AGBL4: variants seen among roughly 807,000 people sequenced by gnomAD.
AGBL4 encodes the protein cytosolic carboxypeptidase 6.
Under a neutral mutation model 66.4 loss-of-function variants are expected in AGBL4, and 58 were observed. The ratio of observed to expected loss-of-function variants is 0.87; its 90% confidence interval spans 0.71 to 1.09. The LOEUF (loss-of-function observed/expected upper bound fraction) is 1.09, where lower values mean the gene tolerates loss of function less well. AGBL4 is among the 50% of genes least tolerant of loss of function. The pLI is 0.00. For missense variants in AGBL4, 579 were observed against 631.0 expected, an observed-to-expected ratio of 0.92 and a Z score of 0.88; for synonymous variants, 234 against 222.9, an observed-to-expected ratio of 1.05 and a Z score of -0.44.
At chr1:50,002,446 T>C (rs1660831887) in intron 1 of AGBL4, among the ~76,000 whole-genome samples, 1 of 140,506 alleles carries the variant, frequency 7.1e-6, no homozygotes, top group African/African-American at 2.7e-5. Context: ...CTCGGCTCAC[T>C]GCAAGCTCCG....
rs188677130 is a variant in AGBL4 at position 49,158,130 on chromosome 1, A to C, written c.377+87640T>G. On this transcript the variant is annotated intron_variant, in intron 4 of 13. Transcript: ENST00000371839. ...TTGGGAAAACTAGCTAGCCATATGCAGAAAGCTGAAACTGAACCCCTTCCT... is the reference window on the plus strand; with the variant it reads ...TTGGGAAAACTAGCTAGCCATATGCCGAAAGCTGAAACTGAACCCCTTCCT... Among the ~76,000 whole-genome samples, 213 of 152,284 alleles carry C rather than the reference A, an allele frequency of 1.4e-3. 5 individuals carry two copies. The highest frequency in any genetic ancestry group is 4.0e-4 in the Non-Finnish European group (27 of 68,020).
intron 2 of AGBL4, among the ~76,000 whole-genome samples, chr1:49,765,657 CT>C (rs1161039553): frequency 6.6e-6 from 1 of 151,740 alleles, no homozygotes; most frequent in Non-Finnish European, 1.5e-5. Flanking sequence ...TACAAAGAAG[CT>C]AAGCAAGATC....
chr1:49,797,729 G>A (rs1178610816), intron 2 of AGBL4, among the ~76,000 whole-genome samples: 1 of 152,058 alleles, frequency 6.6e-6, no homozygotes, highest in Non-Finnish European at 1.5e-5. Context: ...ACAGGTGTGA[G>A]TCACTGCGCA....
chr1:49,104,584 A>G (rs1034084148), intron 4 of AGBL4, among the ~76,000 whole-genome samples: 1 of 152,152 alleles, frequency 6.6e-6, no homozygotes, highest in Non-Finnish European at 1.5e-5. Flanking sequence ...CCAAGGTTAC[A>G]GAGCTTAACC....
chr1:49,351,176 C>G (rs1643897627), intron 3 of AGBL4, among the ~76,000 whole-genome samples: 1 of 152,078 alleles, frequency 6.6e-6, no homozygotes, highest in Non-Finnish European at 1.5e-5. Context: ...TTCATCCTGC[C>G]TGCTATCCAC....
intron 1 of AGBL4, among the ~76,000 whole-genome samples, chr1:49,954,088 T>G (rs902560397): frequency 2.0e-5 from 3 of 151,780 alleles, no homozygotes; most frequent in Admixed American, 2.0e-4. Flanking sequence ...AGACACAAGA[T>G]CTCACTATGT....
chr1:48,734,719 C>T (rs1168544968), intron 6 of AGBL4, among the ~76,000 whole-genome samples: 2 of 152,226 alleles, frequency 1.3e-5, no homozygotes, highest in Non-Finnish European at 2.9e-5. Flanking sequence ...GCTCAAATGT[C>T]ACCTCCTCAA....
intron 6 of AGBL4, among the ~76,000 whole-genome samples, chr1:48,836,169 A>G (rs1436790826): frequency 6.6e-6 from 1 of 151,966 alleles, no homozygotes; most frequent in East Asian, 1.9e-4. Context: ...CAGAAGGAGT[A>G]GAGGCAGAGG....
chr1:48,711,346 C>T (rs1419744618), intron 6 of AGBL4, among the ~76,000 whole-genome samples: 1 of 152,176 alleles, frequency 6.6e-6, no homozygotes, highest in Non-Finnish European at 1.5e-5. Flanking sequence ...CTTTAATGGC[C>T]TCTTATGCTT....
intron 3 of AGBL4, among the ~76,000 whole-genome samples, chr1:49,530,495 A>G (rs1651051560): frequency 6.6e-6 from 1 of 151,970 alleles, no homozygotes; most frequent in Non-Finnish European, 1.5e-5. Flanking sequence ...AAAAGCTTGT[A>G]AGAATCCTCA....
intron 5 of AGBL4, among the ~76,000 whole-genome samples, chr1:48,913,355 C>T (rs1430262738): frequency 6.6e-6 from 1 of 152,100 alleles, no homozygotes; most frequent in African/African-American, 2.4e-5. Flanking sequence ...AGGCAGAAGT[C>T]CCCAAATCCC....
intron 9 of AGBL4, among the ~76,000 whole-genome samples, chr1:48,621,857 G>T (rs1260200928): frequency 2.0e-5 from 3 of 151,218 alleles, no homozygotes; most frequent in Non-Finnish European, 4.4e-5. Context: ...TCACACTTCA[G>T]ATTTTTTTGA....
intron 4 of AGBL4, among the ~76,000 whole-genome samples, chr1:49,177,544 T>C (rs1482534211): frequency 6.6e-6 from 1 of 152,182 alleles, no homozygotes; most frequent in African/African-American, 2.4e-5. Flanking sequence ...ATCAGTCATA[T>C]TGAAACAGTA....
At chr1:49,779,547 G>C (rs1644284791) in intron 2 of AGBL4, among the ~76,000 whole-genome samples, 1 of 152,120 alleles carries the variant, frequency 6.6e-6, no homozygotes, top group South Asian at 2.1e-4. Flanking sequence ...CTGAGTAAGA[G>C]TGGGAAAACC....
At chr1:48,950,746 C>T (rs1449978560) in intron 5 of AGBL4, among the ~76,000 whole-genome samples, 2 of 152,138 alleles carry the variant, frequency 1.3e-5, no homozygotes, top group Non-Finnish European at 2.9e-5. Context: ...CCTGGCCAGG[C>T]CATACCAACC....
chr1:49,852,625 T>A (rs1160480170), intron 1 of AGBL4, among the ~76,000 whole-genome samples: 3 of 152,108 alleles, frequency 2.0e-5, no homozygotes, highest in Non-Finnish European at 4.4e-5. Context: ...ACTTATCACC[T>A]GAGTGCAAAA....
intron 5 of AGBL4, among the ~76,000 whole-genome samples, chr1:48,920,904 A>C (rs532284641): frequency 1.3e-5 from 2 of 152,360 alleles, no homozygotes; most frequent in South Asian, 4.1e-4. Context: ...AGGGATTGAA[A>C]AAAGGAAAAA....
chr1:49,310,319 C>A (rs954669174), intron 3 of AGBL4, among the ~76,000 whole-genome samples: 26 of 151,938 alleles, frequency 1.7e-4, no homozygotes, highest in Non-Finnish European at 3.2e-4. Context: ...AAAAGAATAG[C>A]CCTGATTACT....
chr1:49,366,280 T>C (rs1644239854), intron 3 of AGBL4, among the ~76,000 whole-genome samples: 1 of 152,186 alleles, frequency 6.6e-6, no homozygotes, highest in South Asian at 2.1e-4. Context: ...ATTTCATTGA[T>C]GAATGGATGA....
Sources: gnomAD v4.1 joint callset for allele counts (sites outside exome capture counted in the v4.1 genomes callset) on GRCh38, gnomAD v4.1.1 for gene constraint, MANE v1.5 for transcripts, NCBI Gene and HGNC (gene_info 2026-07-23, HGNC 2026-07-21) for gene names.